Variants in AFF1 observed in about 807,000 individuals in gnomAD.
AFF1 encodes ALF transcription elongation factor 1, also known as AF4/FMR2 family member 1.
A neutral mutation model predicts 121.7 loss-of-function variants in AFF1; 48 were observed. That is an observed-to-expected ratio of 0.39 (90% CI 0.31 to 0.50). The LOEUF (loss-of-function observed/expected upper bound fraction) is 0.50. Ranked by LOEUF, AFF1 falls within the 20% of genes least tolerant of loss-of-function variation. The pLI, the probability that AFF1 is intolerant of heterozygous loss-of-function variation, is 0.76. For synonymous variants in AFF1, 613 were observed against 563.0 expected (o/e 1.09, Z -1.26); for missense variants, 1,523 against 1,511.7 (o/e 1.01, Z -0.12).
At chr4:86,941,955 T>C (rs1335976013) in intron 1 of AFF1, among the ~76,000 whole-genome samples, 2 of 152,106 alleles carry the variant, frequency 1.3e-5, no homozygotes, top group African/African-American at 2.4e-5. Context: ...TTTTTTTTTT[T>C]TCCTTATAAA....
chr4:87,029,898 G>A (rs1728900114), intron 2 of AFF1, among the ~76,000 whole-genome samples: 1 of 152,118 alleles, frequency 6.6e-6, no homozygotes, highest in African/African-American at 2.4e-5. Flanking sequence ...ACATTGTACA[G>A]TGAATGGAGG....
intron 2 of AFF1, among the ~76,000 whole-genome samples, chr4:86,984,204 G>A (rs532027502): frequency 1.3e-5 from 2 of 151,894 alleles, no homozygotes; most frequent in African/African-American, 2.4e-5. Flanking sequence ...AATTTTTCCT[G>A]TTGATGATTA....
At chr4:86,970,833 C>T (rs1047907737) in intron 2 of AFF1, among the ~76,000 whole-genome samples, 2 of 152,128 alleles carry the variant, frequency 1.3e-5, no homozygotes, top group Admixed American at 1.3e-4. Context: ...TGCATAGGCC[C>T]TGAGGCAGTG....
At position 87,135,938 on chromosome 4, in the gene AFF1, A is replaced by T; in HGVS notation, c.*237A>T. On this transcript the variant is annotated 3_prime_UTR_variant, in exon 21 of 21. Transcript: ENST00000395146. ...CCCAGAGATGATCTTGCCCTTCCTA[A>T]CTAAAGGACAGAAGTGCAATTTAGC... 1.9e-6 allele frequency: 1 copy of T among 513,186 alleles called. No homozygotes were observed. The highest frequency in any genetic ancestry group is 3.5e-5 in the East Asian group (1 of 28,616). 31.8% of individuals were successfully genotyped at this position (513,186 alleles called of 1,614,324 possible).
chr4:87,093,420 AT>A (rs1408126956), intron 7 of AFF1, among the ~76,000 whole-genome samples: 2 of 152,198 alleles, frequency 1.3e-5, no homozygotes, highest in Non-Finnish European at 2.9e-5. Context: ...GAAGACAAAC[AT>A]TTCTTAAAGT....
Position 86,969,048 on chromosome 4 carries a change from G to A in AFF1, c.38+20477G>A, listed in dbSNP as rs17012218. 8.6e-3 allele frequency among the ~76,000 whole-genome samples: 1,311 copies of A among 152,358 alleles called. 23 individuals carry two copies. Among genetic ancestry groups the A allele is most frequent in the African/African-American group, 0.03 (1,261 of 41,578 alleles). ...TGTGTTCATTGGTCTTAGGTCTCACGTGGTAGCCTCTCCACGGAGCGCCTC... is the reference window on the plus strand; with the variant it reads ...TGTGTTCATTGGTCTTAGGTCTCACATGGTAGCCTCTCCACGGAGCGCCTC... On this transcript the variant is annotated intron_variant, in intron 2 of 20. Coordinates refer to ENST00000395146, the MANE Select transcript of AFF1 (RefSeq NM_001166693.3).
chr4:87,058,934 T>A (rs757940263), intron 4 of AFF1, among the ~76,000 whole-genome samples: 13 of 152,276 alleles, frequency 8.5e-5, no homozygotes, highest in Admixed American at 3.9e-4. Context: ...TTATCCTACT[T>A]GACATCTCTG....
chr4:87,047,357 C>T lies in AFF1; in HGVS notation c.822C>T (p.Ala274=), dbSNP rs77779696. The change falls in exon 4 of 21, where the codon GCC becomes GCT. Residue 274 remains alanine (A), a synonymous_variant. Coordinates refer to ENST00000395146, the MANE Select transcript of AFF1 (RefSeq NM_001166693.3). ...ETPQDSLVAP[A]QPPSQTFPPP... is the part of the protein sequence containing the mutation. ...CTCAAGACAGTTTGGTGGCCCCTGC[C>T]CAGCCGCCTTCTCAGACATTTCCAC... is the stretch of plus-strand genomic sequence containing the variant. 1,189 of 1,614,154 alleles carry T rather than the reference C, an allele frequency of 7.4e-4. 8 individuals are homozygous for T. The African/African-American group carries it at 0.014, about 19-fold the overall frequency.
chr4:86,995,680 A>C (rs1210736805), intron 2 of AFF1, among the ~76,000 whole-genome samples: 11 of 149,984 alleles, frequency 7.3e-5, no homozygotes, highest in South Asian at 2.1e-4. Context: ...ACCTCCCAGC[A>C]GCCTGCCTTG....
chr4:87,020,906 T>G, intron 2 of AFF1: 2 of 888,578 alleles, frequency 2.3e-6, no homozygotes, highest in Non-Finnish European at 2.7e-6. Context: ...AGGTGATATT[T>G]CTTAAAAAGA....
At chr4:87,003,460 C>T (rs1478548399) in intron 2 of AFF1, among the ~76,000 whole-genome samples, 1 of 152,040 alleles carries the variant, frequency 6.6e-6, no homozygotes, top group Admixed American at 6.6e-5. Flanking sequence ...TGCTATGTTG[C>T]CCAGGCTGGT....
At chr4:87,007,964 CG>C (rs1343722007) in intron 2 of AFF1, among the ~76,000 whole-genome samples, 1 of 152,082 alleles carries the variant, frequency 6.6e-6, no homozygotes, top group Non-Finnish European at 1.5e-5. Context: ...GGGAACGCGC[CG>C]GGGTGGTGAA....
rs768966215 is a variant in AFF1 at position 87,047,550 on chromosome 4, A to G, written c.1015A>G (p.Lys339Glu). The change falls in exon 4 of 21, where the codon AAA (lysine) becomes GAA (glutamate). Residue 339 changes from lysine to glutamate, a missense_variant. By Grantham distance (56) the Lys-to-Glu change is moderately conservative (BLOSUM62 1). This residue lies in a region of AFF1 where 905 missense variants were observed against 842.5 expected (regional missense o/e 1.07). Transcript: ENST00000395146. ...FEKTDLKVPAKAKLTKLKMPS... is the reference protein window; with the variant it reads ...FEKTDLKVPAEAKLTKLKMPS... ...AAAAACAGACTTGAAAGTGCCTGCC[A>G]AAGCCAAGCTCACCAAACTGAAGAT... is the stretch of plus-strand genomic sequence containing the variant. 3.1e-6 allele frequency: 5 copies of G among 1,614,230 alleles called. No individual in the cohort carries two copies. In the Admixed American group the frequency reaches 8.3e-5, roughly 27 times the overall value.
intron 4 of AFF1, among the ~76,000 whole-genome samples, chr4:87,074,873 A>G (rs1394515163): frequency 6.6e-6 from 1 of 152,224 alleles, no homozygotes; most frequent in Non-Finnish European, 1.5e-5. Flanking sequence ...TTACAATTAT[A>G]CATGTGGACA....
chr4:87,099,478 C>T (rs1008565908), intron 8 of AFF1, among the ~76,000 whole-genome samples: 13 of 152,134 alleles, frequency 8.5e-5, no homozygotes, highest in East Asian at 5.8e-4. Context: ...GGGGTGACCT[C>T]GGTTACTGCA....
chr4:86,968,455 A>G (rs898297491), intron 2 of AFF1, among the ~76,000 whole-genome samples: 4 of 152,180 alleles, frequency 2.6e-5, no homozygotes, highest in African/African-American at 9.7e-5. Flanking sequence ...ACGTTCCTTC[A>G]TAGACGTTCG....
chr4:87,077,468 A>G (rs1289137361), intron 4 of AFF1, among the ~76,000 whole-genome samples: 1 of 152,144 alleles, frequency 6.6e-6, no homozygotes, highest in South Asian at 2.1e-4. Context: ...TTTGATCCCT[A>G]TTTATTTCAA....
chr4:87,044,450 GGA>G (rs1297427521), intron 2 of AFF1, among the ~76,000 whole-genome samples: 2 of 152,172 alleles, frequency 1.3e-5, no homozygotes, highest in African/African-American at 2.4e-5. Flanking sequence ...GAAGGGAGGA[GGA>G]GAGAGAACTA....
chr4:86,985,559 T>C (rs1238481631), intron 2 of AFF1, among the ~76,000 whole-genome samples: 1 of 148,682 alleles, frequency 6.7e-6, no homozygotes, highest in Non-Finnish European at 1.5e-5. Context: ...GCCTGTAATC[T>C]CAGCTCCTCG....
Sources: gnomAD v4.1 joint callset for allele counts (sites outside exome capture counted in the v4.1 genomes callset) on GRCh38, gnomAD v4.1.1 for gene constraint, gnomAD v4.1.1 regional missense constraint, MANE v1.5 for transcripts, NCBI Gene and HGNC (gene_info 2026-07-23, HGNC 2026-07-21) for gene names.